LRCH1: variants seen among roughly 807,000 people sequenced by gnomAD.
The protein encoded by LRCH1 is leucine-rich repeat and calponin homology domain-containing protein 1.
LRCH1 carries 23 observed loss-of-function variants against 94.9 expected under a neutral mutation model. The observed-to-expected ratio is 0.24, with a 90% CI of 0.17 to 0.34. The LOEUF is 0.34. Ranked by LOEUF, LRCH1 falls within the 10% of genes least tolerant of loss-of-function variation. The pLI, the probability that LRCH1 is intolerant of heterozygous loss-of-function variation, is 1.00. For missense variants in LRCH1, 790 were observed against 945.9 expected (o/e 0.84, Z 2.16); for synonymous variants, 364 against 354.9 (o/e 1.03, Z -0.29).
chr13:46,625,443 G>A (rs796861969), intron 1 of LRCH1, among the ~76,000 whole-genome samples: 239 of 152,244 alleles, frequency 1.6e-3, no homozygotes, highest in African/African-American at 5.3e-3. Flanking sequence ...CCACATGAAT[G>A]GGATGTCTTT....
At chr13:46,637,411 A>G (rs555592872) in intron 1 of LRCH1, among the ~76,000 whole-genome samples, 3 of 152,316 alleles carry the variant, frequency 2.0e-5, no homozygotes, top group East Asian at 1.9e-4. Context: ...AGACTTTTAC[A>G]GTGGCCGAAA....
intron 1 of LRCH1, among the ~76,000 whole-genome samples, chr13:46,639,614 A>G (rs910364993): frequency 1.3e-5 from 2 of 152,158 alleles, no homozygotes; most frequent in Non-Finnish European, 2.9e-5. Context: ...CTCACACCCC[A>G]GAGAATCCCT....
intron 3 of LRCH1, among the ~76,000 whole-genome samples, chr13:46,675,912 A>G (rs879847559): frequency 1.8e-4 from 27 of 152,212 alleles, no homozygotes; most frequent in Non-Finnish European, 3.7e-4. Context: ...CTGGTGTTGA[A>G]AGGTGATAAT....
At chr13:46,654,056 G>T (rs1380356170) in intron 2 of LRCH1, among the ~76,000 whole-genome samples, 1 of 152,212 alleles carries the variant, frequency 6.6e-6, no homozygotes, top group African/African-American at 2.4e-5. Flanking sequence ...ATTAGTATCT[G>T]TGAAACAGTG....
intron 9 of LRCH1, among the ~76,000 whole-genome samples, chr13:46,697,728 C>A (rs983776440): frequency 4.6e-5 from 7 of 152,136 alleles, no homozygotes; most frequent in African/African-American, 1.4e-4. Context: ...CAGATGACCT[C>A]CAGAGCACCA....
intron 1 of LRCH1, among the ~76,000 whole-genome samples, chr13:46,646,877 T>C (rs1747228): frequency 0.59 from 90,047 of 151,828 alleles, 26,687 homozygotes; most frequent in South Asian, 0.68. Context: ...CTTTGGGAGG[T>C]CGAGGTGGGC....
rs1173372142 is a variant in LRCH1 at position 46,741,665 on chromosome 13, C to T, written c.2109C>T (p.Asp703=). The T allele has an allele frequency of 4.3e-6, 7 of 1,614,192 alleles. No homozygotes were observed. The East Asian group carries it at 1.3e-4, about 31-fold the overall frequency. The change falls in exon 20 of 20, where the codon GAC becomes GAT. Residue 703 remains aspartate, a synonymous_variant. Transcript: ENST00000389797. ...AGGCTGACCTCTGCTCTCCGTGTGA[C>T]ATCCTGCAGTTGGATTTTCGTCACA... ...VPEADLCSPC[D]ILQLDFRHIR... is the part of the protein sequence containing the mutation.
Position 46,687,881 on chromosome 13 carries a change from T to G in LRCH1, c.852T>G (p.Phe284Leu), listed in dbSNP as rs765003829. The change falls in exon 6 of 20, where the codon TTT becomes TTG. Residue 284 changes from phenylalanine (F) to leucine (L), a missense_variant. This residue lies in a region of LRCH1 where 194 missense variants were observed against 293.5 expected (regional missense o/e 0.66). Coordinates refer to ENST00000389797, the MANE Select transcript of LRCH1 (RefSeq NM_001164211.2). ...GCACAAAGGGCAAAGTTCACATATT[T>G]AAGTATCTGAGCATACAAGCATGCC... ...QICTKGKVHIFKYLSIQACQI... is the reference protein window; with the variant it reads ...QICTKGKVHILKYLSIQACQI... 1.1e-5 allele frequency: 18 copies of G among 1,612,302 alleles called. No individual in the cohort carries two copies. Among genetic ancestry groups the G allele is most frequent in the East Asian group, 6.7e-5 (3 of 44,874 alleles).
chr13:46,745,353 G>A (rs1241473248), downstream of LRCH1, among the ~76,000 whole-genome samples: 1 of 151,964 alleles, frequency 6.6e-6, no homozygotes, highest in Non-Finnish European at 1.5e-5. Flanking sequence ...AAGTGATAAG[G>A]ACCTGTGGTG....
chr13:46,742,943 A>G lies in LRCH1; in HGVS notation c.*1095A>G, dbSNP rs1873741278. The G allele has an allele frequency of 6.1e-6, 6 of 985,434 alleles. No individual in the cohort carries two copies. The highest frequency in any genetic ancestry group is 9.4e-5 in the South Asian group (2 of 21,286). The allele number at this position is 985,434 out of a possible 1,614,324, so 61.0% of individuals were successfully genotyped here. ...GCTTTAAGTCAGCTCAAAGGATTAT[A>G]TAGTAACTATATCTGCATTTGGAGC... On this transcript the variant is annotated 3_prime_UTR_variant, in exon 20 of 20. Coordinates refer to ENST00000389797, the MANE Select transcript of LRCH1 (RefSeq NM_001164211.2).
At chr13:46,600,280 A>G (rs2137980614) in intron 1 of LRCH1, among the ~76,000 whole-genome samples, 1 of 152,210 alleles carries the variant, frequency 6.6e-6, no homozygotes, top group East Asian at 1.9e-4. Flanking sequence ...GTCTGGTGTT[A>G]TTTGTTTTTT....
At chr13:46,699,555 CTCTG>C (rs1415469776) in intron 10 of LRCH1, 152 bp downstream of exon 10, 20 of 687,936 alleles carry the variant, frequency 2.9e-5, no homozygotes, top group Non-Finnish European at 7.7e-6. Flanking sequence ...GCCAGTTTTT[CTCTG>C]TCTGATGCTT....
At chr13:46,639,133 T>C (rs1008765931) in intron 1 of LRCH1, among the ~76,000 whole-genome samples, 2 of 152,250 alleles carry the variant, frequency 1.3e-5, no homozygotes, top group Non-Finnish European at 2.9e-5. Context: ...AATATTTATG[T>C]AATTAGCAAC....
intron 2 of LRCH1, among the ~76,000 whole-genome samples, chr13:46,663,705 G>A (rs2138105755): frequency 6.6e-6 from 1 of 152,252 alleles, no homozygotes; most frequent in South Asian, 2.1e-4. Context: ...TTTACTGTAG[G>A]TCGAGTGCCA....
At position 46,558,457 on chromosome 13, in the gene LRCH1, C is replaced by T. The variant is rs118030994; in HGVS notation, c.307+4754C>T. Among the ~76,000 whole-genome samples the T allele has an allele frequency of 1.2e-3, 174 of 150,194 alleles. 1 individual carries two copies. In the East Asian group the frequency reaches 0.027, roughly 24 times the overall value. On this transcript the variant is annotated intron_variant, in intron 1 of 19. Coordinates refer to ENST00000389797, the MANE Select transcript of LRCH1 (RefSeq NM_001164211.2). ...GTGGAGTAAGAACCTGACAGTTGGC[C>T]GGGTGTGGTGACTCACACCTGTAAT... is the stretch of plus-strand genomic sequence containing the variant.
chr13:46,727,158 G>C (rs1050226830), intron 17 of LRCH1, among the ~76,000 whole-genome samples: 2 of 152,158 alleles, frequency 1.3e-5, no homozygotes, highest in African/African-American at 4.8e-5. Flanking sequence ...CAGAGAACTA[G>C]AAAATTTTGG....
At chr13:46,692,963 ATTCT>A (rs1245803611) in intron 8 of LRCH1, among the ~76,000 whole-genome samples, 1 of 147,902 alleles carries the variant, frequency 6.8e-6, no homozygotes, top group African/African-American at 2.5e-5. Context: ...CTTAGATAAA[ATTCT>A]TTTTTTTTTT....
In LRCH1 at chr13:46,699,371, A is replaced by G. The variant is rs1218126018; in HGVS notation, c.1281A>G (p.Ile427Met). ...AAGACTGTGAAGAGCTGTTACGGAT[A>G]GAAGAGGATGTGCACTGGCAAACTG... ...RAEDCEELLR[I>M]EEDVHWQTEG... is the part of the protein sequence containing the mutation. The change falls in exon 10 of 20, where the codon ATA becomes ATG. Residue 427 changes from isoleucine to methionine, a missense_variant. This residue lies in a region of LRCH1 where 460 missense variants were observed against 508.9 expected (regional missense o/e 0.90). Transcript: ENST00000389797. 5 of 1,614,156 alleles carry G rather than the reference A, an allele frequency of 3.1e-6. No homozygotes were observed. The highest frequency in any genetic ancestry group is 4.2e-6 in the Non-Finnish European group (5 of 1,179,974).
At chr13:46,582,163 A>AAAAAAAAG (rs2050375410) in intron 1 of LRCH1, among the ~76,000 whole-genome samples, 1 of 150,972 alleles carries the variant, frequency 6.6e-6, no homozygotes, top group Non-Finnish European at 1.5e-5. Flanking sequence ...AAAAAAAAAA[A>AAAAAAAAG]AAAGAAAGAA....
Sources: gnomAD v4.1 joint callset for allele counts (sites outside exome capture counted in the v4.1 genomes callset) on GRCh38, gnomAD v4.1.1 for gene constraint, gnomAD v4.1.1 regional missense constraint, MANE v1.5 for transcripts, NCBI Gene and HGNC (gene_info 2026-07-23, HGNC 2026-07-21) for gene names.